The following HSP90AA1 variants were observed in gnomAD, a reference collection of about 807,000 sequenced individuals.
HSP90AA1 encodes heat shock protein HSP 90-alpha.
HSP90AA1 carries 18 observed loss-of-function variants against 73.3 expected under a neutral mutation model. The ratio of observed to expected loss-of-function variants is 0.25; its 90% CI spans 0.17 to 0.36. HSP90AA1 has a LOEUF of 0.36. HSP90AA1 is among the 10% of genes least tolerant of loss of function. The pLI, the probability that HSP90AA1 is intolerant of heterozygous loss-of-function variation, is 1.00. For missense variants in HSP90AA1, 704 were observed against 874.2 expected (o/e 0.81, Z 2.45); for synonymous variants, 477 against 296.9 (o/e 1.61, Z -6.24).
At chr14:102,136,493 C>G (rs1322251705) in intron 1 of HSP90AA1, among the ~76,000 whole-genome samples, 5 of 131,690 alleles carry the variant, frequency 3.8e-5, no homozygotes, top group African/African-American at 1.4e-4. Flanking sequence ...CGCTTGAACC[C>G]GGGAGGCAGA....
upstream of HSP90AA1, among the ~76,000 whole-genome samples, chr14:102,089,170 C>T (rs1293320284): frequency 1.3e-5 from 2 of 152,326 alleles, no homozygotes; most frequent in African/African-American, 2.4e-5. Context: ...ATCCGCCCGC[C>T]TCGGCCTCCC....
chr14:102,082,589 C>G, intron 9 of HSP90AA1, 145 bp from the exon 10 acceptor site: 1 of 684,568 alleles, frequency 1.5e-6, no homozygotes. Flanking sequence ...ATTAGGTATC[C>G]AAAGAGCACA....
chr14:102,104,693 CCTT>C (rs1305140359), intron 1 of HSP90AA1, among the ~76,000 whole-genome samples: 1 of 151,986 alleles, frequency 6.6e-6, no homozygotes, highest in Admixed American at 6.6e-5. Flanking sequence ...AGAACTTATT[CCTT>C]CTAACTGTAT....
In HSP90AA1 at chr14:102,086,129, T is replaced by G; in HGVS notation, c.163-5A>C. 6.2e-7 allele frequency: 1 copy of G among 1,614,118 alleles called. No homozygotes were observed. Reference sequence around the variant, plus strand: ...ATACCGGATTTTGTCCAATGCCTGTTAACAAAAAATATTAATTTAAGCATA... The same window carrying G: ...ATACCGGATTTTGTCCAATGCCTGTGAACAAAAAATATTAATTTAAGCATA... On this transcript the variant is annotated splice_region_variant and splice_polypyrimidine_tract_variant and intron_variant, in intron 2 of 10. Transcript: ENST00000216281.
At chr14:102,138,941 C>A (rs1262499590) in intron 1 of HSP90AA1, among the ~76,000 whole-genome samples, 1 of 152,150 alleles carries the variant, frequency 6.6e-6, no homozygotes, top group African/African-American at 2.4e-5. Context: ...CTCACAGACT[C>A]CACCTGAGGC....
rs1392176627 is a variant in HSP90AA1, at chr14:102,098,865, G to A, written c.366+3010C>T. 3.3e-5 allele frequency among the ~76,000 whole-genome samples: 5 copies of A among 152,184 alleles called. No individual in the cohort carries two copies. In the East Asian group the frequency reaches 9.6e-4, roughly 29 times the overall value. On this transcript the variant is annotated intron_variant, in intron 2 of 11. Coordinates refer to the HSP90AA1 transcript ENST00000334701. ...TTGTTGTCTGTAAAATGAGGAGTAG[G>A]GATGGGACAGTTGGACCAGGTGCCA...
chr14:102,108,524 CTTA>C (rs941915928), intron 1 of HSP90AA1, among the ~76,000 whole-genome samples: 2 of 147,106 alleles, frequency 1.4e-5, no homozygotes, highest in Non-Finnish European at 3.0e-5. Flanking sequence ...ACACATCTAA[CTTA>C]TAACTTTTTT....
chr14:102,085,763 T>C lies in HSP90AA1; in HGVS notation c.524A>G (p.Asp175Gly). Reference sequence around the variant, plus strand: ...GTGAATGTTCAGGTGCCTACCTGTGTCTGTCCTCACTGTGAATGATCCCCC... The same window carrying C: ...GTGAATGTTCAGGTGCCTACCTGTGCCTGTCCTCACTGTGAATGATCCCCC... ...SAGGSFTVRTDTGEPMGRGTK... is the reference protein window; with the variant it reads ...SAGGSFTVRTGTGEPMGRGTK... The change falls in exon 3 of 11, where the codon GAC becomes GGC. Residue 175 changes from aspartate (D) to glycine (G), a missense_variant. Physicochemically the swap from Asp to Gly is moderately conservative, Grantham distance 94 (BLOSUM62 -1). Transcript: ENST00000216281. 6.2e-7 allele frequency: 1 copy of C among 1,613,992 alleles called. No homozygotes were observed. Among genetic ancestry groups the C allele is most frequent in the Non-Finnish European group, 8.5e-7 (1 of 1,179,868 alleles).
chr14:102,126,368 G>T (rs1383728741), intron 1 of HSP90AA1, among the ~76,000 whole-genome samples: 1 of 152,108 alleles, frequency 6.6e-6, no homozygotes, highest in Non-Finnish European at 1.5e-5. Flanking sequence ...GAAGATGGAA[G>T]AGGAACAAAC....
At position 102,123,802 on chromosome 14, in the gene HSP90AA1, C is replaced by T. The variant is rs902333036; in HGVS notation, c.155+15448G>A. 2.6e-5 allele frequency among the ~76,000 whole-genome samples: 4 copies of T among 152,104 alleles called. No homozygotes were observed. The East Asian group carries it at 5.8e-4, about 22-fold the overall frequency. ...TCCCTGTGAGATGTATACTAGCAACCGTGTTTTTTTTAATTGAGACAGGGT... is the reference window on the plus strand; with the variant it reads ...TCCCTGTGAGATGTATACTAGCAACTGTGTTTTTTTTAATTGAGACAGGGT... On this transcript the variant is annotated intron_variant, in intron 1 of 11. Coordinates refer to the HSP90AA1 transcript ENST00000334701.
At chr14:102,132,378 T>C (rs1382607779) in intron 1 of HSP90AA1, among the ~76,000 whole-genome samples, 3 of 151,336 alleles carry the variant, frequency 2.0e-5, no homozygotes, top group Non-Finnish European at 2.9e-5. Context: ...AAAAAATAAA[T>C]AAGTAAATAA....
At position 102,087,041 on chromosome 14, in the gene HSP90AA1, A is replaced by T; in HGVS notation, c.-56T>A. On this transcript the variant is annotated 5_prime_UTR_variant, in exon 1 of 11. Transcript: ENST00000216281. ...CACAGCCACACCGGGACGCTGAAGC[A>T]ACTGACGCGCCACCCCCGCGCCTGC... is the stretch of plus-strand genomic sequence containing the variant. 1.0e-6 allele frequency: 1 copy of T among 985,230 alleles called. No homozygotes were observed. The highest frequency in any genetic ancestry group is 1.2e-6 in the Non-Finnish European group (1 of 830,076). 61.0% of individuals were successfully genotyped at this position (985,230 alleles called of 1,614,324 possible).
Position 102,083,536 on chromosome 14 carries a change from G to A in HSP90AA1, c.1486+10C>T, listed in dbSNP as rs7156529. Reference sequence around the variant, plus strand: ...ACGACGTGTATGACTGTAACATAGTGTTCTCTTACCTGTGATATAATAGAT... The same window carrying A: ...ACGACGTGTATGACTGTAACATAGTATTCTCTTACCTGTGATATAATAGAT... On this transcript the variant is annotated intron_variant, in intron 8 of 10. Coordinates refer to ENST00000216281, the MANE Select transcript of HSP90AA1 (RefSeq NM_005348.4). The A allele has an allele frequency of 0.051, 81,584 of 1,611,574 alleles. 3,447 individuals carry two copies. Among genetic ancestry groups the A allele is most frequent in the African/African-American group, 0.18 (13,682 of 74,882 alleles).
chr14:102,110,566 C>T (rs1490020888), intron 1 of HSP90AA1, among the ~76,000 whole-genome samples: 2 of 150,202 alleles, frequency 1.3e-5, no homozygotes, highest in Non-Finnish European at 3.0e-5. Context: ...ATTACAGGCG[C>T]CCACCACCAT....
Position 102,084,453 on chromosome 14 carries a change from C to T in HSP90AA1, c.1093G>A (p.Val365Ile), listed in dbSNP as rs766449280. The T allele has an allele frequency of 1.9e-6, 3 of 1,613,386 alleles. No homozygotes were observed. The highest frequency in any genetic ancestry group is 2.5e-6 in the Non-Finnish European group (3 of 1,179,286). The change falls in exon 6 of 11, where the codon GTA becomes ATA. Residue 365 changes from valine to isoleucine, a missense_variant. Coordinates refer to ENST00000216281, the MANE Select transcript of HSP90AA1 (RefSeq NM_005348.4). ...TTATCCATGATGAAAACTCTGCGTACATACAATTTGATGTTGTTCTTTTTC... is the reference window on the plus strand; with the variant it reads ...TTATCCATGATGAAAACTCTGCGTATATACAATTTGATGTTGTTCTTTTTC... ...RKKKNNIKLY[V>I]RRVFIMDNCE... is the part of the protein sequence containing the mutation.
intron 1 of HSP90AA1, among the ~76,000 whole-genome samples, chr14:102,106,097 C>T (rs1327977236): frequency 6.6e-6 from 1 of 151,820 alleles, no homozygotes; most frequent in Non-Finnish European, 1.5e-5. Flanking sequence ...GCTGTTGAAA[C>T]GGTTCAGGCA....
At chr14:102,085,728 C>T (rs767895258) in intron 3 of HSP90AA1, 30 bp downstream of exon 3, 23 of 1,613,916 alleles carry the variant, frequency 1.4e-5, no homozygotes, top group Admixed American at 3.3e-5. Flanking sequence ...TTCCACCGCT[C>T]ACTTAACCAG....
At chr14:102,137,174 C>T (rs377707045) in intron 1 of HSP90AA1, among the ~76,000 whole-genome samples, 1 of 150,936 alleles carries the variant, frequency 6.6e-6, no homozygotes, top group Admixed American at 6.6e-5. Context: ...CACTGCACTC[C>T]AGCCTGCGGA....
intron 2 of HSP90AA1, among the ~76,000 whole-genome samples, chr14:102,096,689 G>A (rs2049429609): frequency 2.6e-5 from 4 of 152,202 alleles, no homozygotes; most frequent in Admixed American, 2.6e-4. Flanking sequence ...GTGCTGAATG[G>A]ATAACTGAAT....
Sources: allele counts gnomAD v4.1 joint callset (sites outside exome capture counted in the v4.1 genomes callset), GRCh38; gene constraint gnomAD v4.1.1; transcripts MANE v1.5; gene names NCBI Gene and HGNC (gene_info 2026-07-23, HGNC 2026-07-21).